The following RMDN2 variants were observed in gnomAD, a reference collection of about 807,000 sequenced individuals.
The protein encoded by RMDN2 is regulator of microtubule dynamics protein 2.
A neutral mutation model predicts 52.8 loss-of-function variants in RMDN2; 61 were observed. The observed-to-expected ratio is 1.16, with a 90% CI of 0.94 to 1.43. RMDN2 has a LOEUF of 1.43. RMDN2 is among the 40% of genes most tolerant of loss of function. The pLI is 0.00. For missense variants in RMDN2, 592 were observed against 475.3 expected (o/e 1.25, Z -2.28); for synonymous variants, 180 against 153.1 (o/e 1.18, Z -1.30).
At chr2:38,006,601 T>G (rs572102117) in intron 10 of RMDN2, among the ~76,000 whole-genome samples, 1 of 152,334 alleles carries the variant, frequency 6.6e-6, no homozygotes, top group East Asian at 1.9e-4. Context: ...AAGGAGATTT[T>G]GGGCTGAGAT....
intron 2 of RMDN2, among the ~76,000 whole-genome samples, chr2:37,940,991 C>T (rs1448889831): frequency 6.6e-6 from 1 of 152,202 alleles, no homozygotes; most frequent in African/African-American, 2.4e-5. Flanking sequence ...TTGGAATTTT[C>T]AGCCTATTGG....
At chr2:38,009,457 A>G (rs534339296) in intron 10 of RMDN2, among the ~76,000 whole-genome samples, 1 of 152,088 alleles carries the variant, frequency 6.6e-6, no homozygotes, top group South Asian at 2.1e-4. Context: ...CATTTCATTC[A>G]TTTGATTTTC....
chr2:38,027,188 C>T (rs760871212), intron 10 of RMDN2: 5 of 152,198 alleles, frequency 3.3e-5, no homozygotes, highest in African/African-American at 4.8e-5. Context: ...TTCCTCAGCA[C>T]GAGGAGATTT....
At chr2:38,022,018 C>T (rs377099746), downstream of RMDN2, among the ~76,000 whole-genome samples, 1 of 152,144 alleles carries the variant, frequency 6.6e-6, no homozygotes, top group African/African-American at 2.4e-5. Context: ...TAGGTAATGA[C>T]ATAACTGAGG....
At chr2:38,054,841 A>C (rs554301502) in intron 10 of RMDN2, among the ~76,000 whole-genome samples, 1 of 152,132 alleles carries the variant, frequency 6.6e-6, no homozygotes, top group Non-Finnish European at 1.5e-5. Context: ...TCAAGCCCAC[A>C]CTTAATATAG....
At chr2:37,961,495 G>A (rs373275784) in intron 2 of RMDN2, among the ~76,000 whole-genome samples, 1 of 151,502 alleles carries the variant, frequency 6.6e-6, no homozygotes, top group South Asian at 2.1e-4. Context: ...ATTGATACTT[G>A]TGTATGCTTC....
At chr2:38,006,054 TG>T (rs928527903) in intron 10 of RMDN2, among the ~76,000 whole-genome samples, 1 of 152,208 alleles carries the variant, frequency 6.6e-6, no homozygotes, top group African/African-American at 2.4e-5. Context: ...TCTGTTCCAT[TG>T]GTCTATATCT....
At chr2:37,984,443 G>T (rs891984980) in intron 5 of RMDN2, among the ~76,000 whole-genome samples, 1 of 152,166 alleles carries the variant, frequency 6.6e-6, no homozygotes, top group African/African-American at 2.4e-5. Context: ...CTTTATAGAT[G>T]GGGTAAGCAA....
chr2:37,997,260 A>G lies in RMDN2; in HGVS notation c.946-156A>G, dbSNP rs569778914. Among the ~76,000 whole-genome samples, 5 of 152,280 alleles carry G rather than the reference A, an allele frequency of 3.3e-5. No homozygotes were observed. In the East Asian group the frequency reaches 7.7e-4, roughly 23 times the overall value. The stretch of plus-strand genomic sequence containing the variant: ...ATACCATGAGGGTGGTATCTCTAAT[A>G]TATATTATTTATGGATATATGTTTT... On this transcript the variant is annotated intron_variant, in intron 7 of 10. Coordinates refer to ENST00000354545, the MANE Select transcript of RMDN2 (RefSeq NM_001170791.3).
intron 2 of RMDN2, among the ~76,000 whole-genome samples, chr2:37,957,997 G>A (rs1486893846): frequency 1.3e-5 from 2 of 152,108 alleles, no homozygotes; most frequent in Admixed American, 1.3e-4. Flanking sequence ...CTATTCCATT[G>A]GTCTATATAT....
In RMDN2 at chr2:37,981,474, A is replaced by G. The variant is rs1157815958; in HGVS notation, c.791+131A>G. The stretch of plus-strand genomic sequence containing the variant: ...ACATTCACTGAAAAATATGTATAAT[A>G]GCACAGTAACTGTTCTTATTCTGTT... On this transcript the variant is annotated intron_variant, in intron 5 of 10. Coordinates refer to ENST00000354545, the MANE Select transcript of RMDN2 (RefSeq NM_001170791.3). The G allele has an allele frequency of 1.1e-5, 7 of 630,740 alleles. No homozygotes were observed. In the East Asian group the frequency reaches 1.4e-4, roughly 12 times the overall value. 39.1% of individuals were successfully genotyped at this position (630,740 alleles called of 1,614,324 possible).
intron 7 of RMDN2, among the ~76,000 whole-genome samples, chr2:37,996,936 T>A (rs562459973): frequency 1.2e-3 from 187 of 152,264 alleles, no homozygotes; most frequent in African/African-American, 4.4e-3. Context: ...TCTATTTACA[T>A]ATCTGAGATG....
chr2:38,057,418 C>G (rs1573250254), intron 10 of RMDN2, among the ~76,000 whole-genome samples: 1 of 152,134 alleles, frequency 6.6e-6, no homozygotes, highest in Non-Finnish European at 1.5e-5. Flanking sequence ...CTTTTGATTT[C>G]TTTCTACTAT....
intron 10 of RMDN2, among the ~76,000 whole-genome samples, chr2:38,054,926 G>A (rs2125303407): frequency 6.6e-6 from 1 of 152,178 alleles, no homozygotes; most frequent in Non-Finnish European, 1.5e-5. Flanking sequence ...GGCTCCAAGT[G>A]TCCCACCAGG....
Position 37,929,525 on chromosome 2 carries a change from T to C in RMDN2, c.248T>C (p.Leu83Pro). The part of the protein sequence containing the change: ...LQILEKLNEL[L>P]TNMEELKEEI... ...ATACTGGAGAAGTTAAACGAATTACTGACAAATATGGAAGAACTCAAAGAG... is the reference window on the plus strand; with the variant it reads ...ATACTGGAGAAGTTAAACGAATTACCGACAAATATGGAAGAACTCAAAGAG... Residue 83 changes from leucine (L) to proline (P), a missense_variant, in exon 2 of 11, where the codon CTG (leucine) becomes CCG (proline). Leu to Pro is a moderately conservative substitution (Grantham distance 98). Coordinates refer to ENST00000354545, the MANE Select transcript of RMDN2 (RefSeq NM_001170791.3). The C allele has an allele frequency of 6.4e-7, 1 of 1,551,750 alleles. No individual in the cohort carries two copies. Among genetic ancestry groups the C allele is most frequent in the Non-Finnish European group, 8.7e-7 (1 of 1,146,926 alleles).
chr2:37,947,848 G>A (rs1363135982), intron 2 of RMDN2, among the ~76,000 whole-genome samples: 1 of 152,302 alleles, frequency 6.6e-6, no homozygotes, highest in Non-Finnish European at 1.5e-5. Flanking sequence ...TGTTCTTTGT[G>A]TTAAGGATTC....
At chr2:37,973,736 A>G (rs1376055622) in intron 2 of RMDN2, among the ~76,000 whole-genome samples, 1 of 152,100 alleles carries the variant, frequency 6.6e-6, no homozygotes, top group African/African-American at 2.4e-5. Context: ...ATTAAAGGGA[A>G]CAGCAAGTGG....
At chr2:37,958,795 A>G (rs867684221) in intron 2 of RMDN2, among the ~76,000 whole-genome samples, 6 of 150,616 alleles carry the variant, frequency 4.0e-5, no homozygotes, top group Middle Eastern at 3.2e-3. Flanking sequence ...AGCTCTTATT[A>G]TTTTCAGAGA....
chr2:37,960,442 A>T lies in RMDN2; in HGVS notation c.453-13598A>T, dbSNP rs560128084. ...ATTTTGTTGTTTTAAAGTCTGTTTT[A>T]TCAGAGACTAGGATTGCAACCCCTG... On this transcript the variant is annotated intron_variant, in intron 2 of 10. Transcript: ENST00000354545. 1.4e-4 allele frequency among the ~76,000 whole-genome samples: 22 copies of T among 152,156 alleles called. No individual in the cohort carries two copies. The East Asian group carries it at 3.9e-3, about 27-fold the overall frequency.
Sources: gnomAD v4.1 joint callset for allele counts (sites outside exome capture counted in the v4.1 genomes callset) on GRCh38, gnomAD v4.1.1 for gene constraint, MANE v1.5 for transcripts, NCBI Gene and HGNC (gene_info 2026-07-23, HGNC 2026-07-21) for gene names.